Variants in SLC16A12 observed in about 807,000 individuals in gnomAD.
The protein encoded by SLC16A12 is solute carrier family 16 member 12, also known as monocarboxylate transporter 12.
Under a neutral mutation model 42.4 loss-of-function variants are expected in SLC16A12, and 17 were observed. The ratio of observed to expected loss-of-function variants is 0.40; its 90% CI spans 0.27 to 0.60. The LOEUF (loss-of-function observed/expected upper bound fraction) is 0.60, where lower values mean the gene tolerates loss of function less well. Among genes scored for constraint, SLC16A12 ranks in the 20% least tolerant of loss-of-function variants. SLC16A12 has a pLI of 0.42. For synonymous variants in SLC16A12, 224 were observed against 229.4 expected, an observed-to-expected ratio of 0.98 and a Z score of 0.21; for missense variants, 544 against 623.0, an observed-to-expected ratio of 0.87 and a Z score of 1.35.
intron 2 of SLC16A12, among the ~76,000 whole-genome samples, chr10:89,533,379 G>T (rs1843590569): frequency 6.6e-6 from 1 of 152,062 alleles, no homozygotes; most frequent in Non-Finnish European, 1.5e-5. Flanking sequence ...TATCCCAAAT[G>T]CCCAGAACAG....
intron 7 of SLC16A12, 136 bp from the exon 8 acceptor site, chr10:89,433,462 C>A: frequency 1.1e-6 from 1 of 896,530 alleles, no homozygotes; most frequent in Non-Finnish European, 1.7e-6. Context: ...AAAAAGAGGT[C>A]ACCTAAAAAT....
chr10:89,448,182 G>A lies in SLC16A12; in HGVS notation c.201-4323C>T, dbSNP rs1240919787. Among the ~76,000 whole-genome samples the A allele has an allele frequency of 2.6e-5, 4 of 152,068 alleles. No individual in the cohort carries two copies. In the South Asian group the frequency reaches 6.2e-4, roughly 24 times the overall value. On this transcript the variant is annotated intron_variant, in intron 3 of 7. Coordinates refer to ENST00000371790, the MANE Select transcript of SLC16A12 (RefSeq NM_213606.4). ...CACAGCCGAATTCTATCAGAGGTGC[G>A]AAGAGGAGCTGGTACCATTCCTTCT...
chr10:89,497,683 T>C (rs1244641406), intron 2 of SLC16A12, among the ~76,000 whole-genome samples: 2 of 152,122 alleles, frequency 1.3e-5, no homozygotes, highest in African/African-American at 4.8e-5. Flanking sequence ...TCATGCTATT[T>C]CTATCCTCTG....
chr10:89,452,668 A>G (rs1842113462), intron 3 of SLC16A12, among the ~76,000 whole-genome samples: 1 of 152,150 alleles, frequency 6.6e-6, no homozygotes, highest in South Asian at 2.1e-4. Context: ...CAGTGTGGTG[A>G]GCTAAATTCT....
chr10:89,535,386 G>C (rs990700046), intron 1 of SLC16A12, 56 bp downstream of exon 1: 1 of 153,126 alleles, frequency 6.5e-6, no homozygotes, highest in Non-Finnish European at 1.5e-5. Context: ...CAGCTCCAAC[G>C]ACAGCGCCAG....
Position 89,430,397 on chromosome 10 carries a change from C to T in SLC16A12, c.*2667G>A. On this transcript the variant is annotated 3_prime_UTR_variant, in exon 8 of 8. Transcript: ENST00000371790. ...GAAATTACAATCTGAACAAAAAGCC[C>T]AATCATACAGTGTATCTACAAAGTT... is the stretch of plus-strand genomic sequence containing the variant. The T allele has an allele frequency of 4.5e-6, 1 of 223,056 alleles. No individual in the cohort carries two copies. The highest frequency in any genetic ancestry group is 1.7e-4 in the East Asian group (1 of 5,902). The allele number at this position is 223,056 out of a possible 1,614,324, so 13.8% of individuals were successfully genotyped here.
Position 89,439,166 on chromosome 10 carries a change from A to G in SLC16A12, c.466T>C (p.Cys156Arg), listed in dbSNP as rs1161515541. The part of the protein sequence containing the change: ...GVLTGLGFAL[C>R]YSPAIAMVGK... ...ACCATGGCAATAGCTGGAGAGTAAC[A>G]AAGTGCAAATCCAAGACCTGAGGAT... The change falls in exon 6 of 8, where the codon TGT (cysteine) becomes CGT (arginine). Residue 156 changes from cysteine to arginine, a missense_variant. Transcript: ENST00000371790. 12 of 1,614,054 alleles carry G rather than the reference A, an allele frequency of 7.4e-6. No individual in the cohort carries two copies. The highest frequency in any genetic ancestry group is 1.0e-5 in the Non-Finnish European group (12 of 1,180,028).
rs1589653500 is a variant in SLC16A12 at position 89,431,091 on chromosome 10, G to A, written c.*1973C>T. On this transcript the variant is annotated 3_prime_UTR_variant, in exon 8 of 8. Coordinates refer to ENST00000371790, the MANE Select transcript of SLC16A12 (RefSeq NM_213606.4). ...TGGCTCACTGCAACCTCCACCTCCT[G>A]GGTTCAAGCGATTGTCCGGCCTCAG... 4.9e-6 allele frequency: 1 copy of A among 202,702 alleles called. No homozygotes were observed. The highest frequency in any genetic ancestry group is 9.9e-6 in the Non-Finnish European group (1 of 101,312). The allele number at this position is 202,702 out of a possible 1,614,324, so 12.6% of individuals were successfully genotyped here.
At chr10:89,471,486 A>C (rs1842492696) in intron 2 of SLC16A12, among the ~76,000 whole-genome samples, 1 of 152,190 alleles carries the variant, frequency 6.6e-6, no homozygotes, top group South Asian at 2.1e-4. Context: ...TTTATTGCTG[A>C]ATATTACTAT....
intron 2 of SLC16A12, among the ~76,000 whole-genome samples, chr10:89,492,886 C>T (rs1842867006): frequency 6.6e-6 from 1 of 151,994 alleles, no homozygotes; most frequent in South Asian, 2.1e-4. Flanking sequence ...TCAGTTCAAG[C>T]GTCTTGAACC....
chr10:89,521,112 G>A (rs1309650515), intron 2 of SLC16A12, among the ~76,000 whole-genome samples: 1 of 152,234 alleles, frequency 6.6e-6, no homozygotes, highest in African/African-American at 2.4e-5. Flanking sequence ...AGTGCATGCT[G>A]CTATCAAATG....
intron 3 of SLC16A12, among the ~76,000 whole-genome samples, chr10:89,445,251 G>A (rs139602792): frequency 0.015 from 2,291 of 152,360 alleles, 30 homozygotes; most frequent in Non-Finnish European, 0.022. Context: ...CAGTGTTTGA[G>A]CTCTGAGAAT....
At chr10:89,535,312 T>G (rs1357504016) in intron 1 of SLC16A12, 130 bp downstream of exon 1, 2 of 152,060 alleles carry the variant, frequency 1.3e-5, no homozygotes, top group African/African-American at 4.8e-5. Flanking sequence ...CAAGTTAGGG[T>G]CCCAGGCTCC....
chr10:89,478,520 G>C (rs1261816788), intron 2 of SLC16A12, among the ~76,000 whole-genome samples: 1 of 152,154 alleles, frequency 6.6e-6, no homozygotes, highest in African/African-American at 2.4e-5. Flanking sequence ...GCTCACGCTG[G>C]GCTTTGCCTT....
chr10:89,539,871 T>TTCTTTCTTTCTTTTTCTTTCTA (rs1843701730), upstream of SLC16A12, among the ~76,000 whole-genome samples: 1 of 142,918 alleles, frequency 7.0e-6, no homozygotes, highest in African/African-American at 2.8e-5. Flanking sequence ...CTTTCTTTCT[T>TTCTTTCTTTCTTTTTCTTTCTA]TCTTTCTTTC....
upstream of SLC16A12, among the ~76,000 whole-genome samples, chr10:89,538,540 C>T (rs372159022): frequency 1.1e-4 from 16 of 152,236 alleles, no homozygotes; most frequent in Admixed American, 4.6e-4. Flanking sequence ...TGGACAGTGA[C>T]GCTTAGAGGC....
At chr10:89,530,574 C>T (rs903228620) in intron 2 of SLC16A12, among the ~76,000 whole-genome samples, 19 of 152,018 alleles carry the variant, frequency 1.2e-4, no homozygotes, top group South Asian at 4.2e-4. Context: ...CCTACCACCA[C>T]GCCCGGCTAA....
intron 2 of SLC16A12, among the ~76,000 whole-genome samples, chr10:89,518,864 AT>A (rs1219428807): frequency 1.3e-5 from 2 of 152,176 alleles, no homozygotes; most frequent in Non-Finnish European, 2.9e-5. Flanking sequence ...GCTTTTTCCT[AT>A]TATCATATCT....
chr10:89,509,079 G>C (rs1843119414), intron 2 of SLC16A12, among the ~76,000 whole-genome samples: 1 of 152,094 alleles, frequency 6.6e-6, no homozygotes, highest in African/African-American at 2.4e-5. Flanking sequence ...CCAATAACAG[G>C]CTCTGAAATT....
Sources: allele counts gnomAD v4.1 joint callset (sites outside exome capture counted in the v4.1 genomes callset), GRCh38; gene constraint gnomAD v4.1.1; transcripts MANE v1.5; gene names NCBI Gene and HGNC (gene_info 2026-07-23, HGNC 2026-07-21).